RBBP8: variants seen among roughly 807,000 people sequenced by gnomAD.
The protein encoded by RBBP8 is DNA endonuclease RBBP8.
RBBP8 carries 88 observed loss-of-function variants against 108.3 expected under a neutral mutation model. That is an observed-to-expected ratio of 0.81 (90% confidence interval 0.68 to 0.97). The LOEUF (loss-of-function observed/expected upper bound fraction) is 0.97, where lower values mean the gene tolerates loss of function less well. RBBP8 is among the 50% of genes least tolerant of loss of function. RBBP8 has a pLI of 0.00. For missense variants in RBBP8, 1,023 were observed against 1,049.0 expected, an observed-to-expected ratio of 0.98 and a Z score of 0.34; for synonymous variants, 332 against 348.2, an observed-to-expected ratio of 0.95 and a Z score of 0.52.
At chr18:23,006,529 T>A in intron 16 of RBBP8, 97 bp downstream of exon 16, 1 of 1,033,814 alleles carries the variant, frequency 9.7e-7, no homozygotes, top group Non-Finnish European at 1.5e-6. Flanking sequence ...AAAGACAGAG[T>A]CTTGCTCTGT....
intron 2 of RBBP8, among the ~76,000 whole-genome samples, chr18:22,943,354 G>T (rs965924407): frequency 2.0e-5 from 3 of 151,946 alleles, no homozygotes; most frequent in Admixed American, 1.3e-4. Flanking sequence ...CAGGAGGATC[G>T]CTTGGGCCTG....
At chr18:22,976,824 TTAGA>T (rs904550880) in intron 6 of RBBP8, among the ~76,000 whole-genome samples, 47 of 152,206 alleles carry the variant, frequency 3.1e-4, no homozygotes, top group African/African-American at 1.1e-3. Flanking sequence ...TAACACAGAA[TTAGA>T]TAGACGATTG....
chr18:23,011,456 G>A (rs1420975889), intron 16 of RBBP8, among the ~76,000 whole-genome samples: 6 of 70,318 alleles, frequency 8.5e-5, no homozygotes, highest in South Asian at 8.0e-4. Context: ...TTTTTTTTTC[G>A]AGACAGAGTC....
At chr18:22,931,936 T>C (rs753915181), upstream of RBBP8, among the ~76,000 whole-genome samples, 4 of 152,138 alleles carry the variant, frequency 2.6e-5, no homozygotes, top group Non-Finnish European at 4.4e-5. Flanking sequence ...GGGTGGTTGG[T>C]AGCGTGGATG....
At chr18:22,964,045 T>C (rs929584531) in intron 4 of RBBP8, among the ~76,000 whole-genome samples, 1 of 152,210 alleles carries the variant, frequency 6.6e-6, no homozygotes, top group Admixed American at 6.5e-5. Flanking sequence ...GAATTCCAAG[T>C]CACTTCTTTT....
chr18:22,920,322 T>G (rs969359292), intron 3 of RBBP8, among the ~76,000 whole-genome samples: 1 of 152,152 alleles, frequency 6.6e-6, no homozygotes, highest in Non-Finnish European at 1.5e-5. Context: ...TTTATACAAA[T>G]AGCTAATTTG....
intron 12 of RBBP8, among the ~76,000 whole-genome samples, chr18:22,996,013 A>T (rs1054247736): frequency 6.6e-6 from 1 of 152,200 alleles, no homozygotes; most frequent in African/African-American, 2.4e-5. Flanking sequence ...GCAGTATGTG[A>T]GGGTCCCAGT....
chr18:22,989,359 T>C, intron 9 of RBBP8, 41 bp downstream of exon 9: 1 of 1,394,650 alleles, frequency 7.2e-7, no homozygotes, highest in Non-Finnish European at 1.0e-6. Context: ...GAATTAATTT[T>C]ATGTCTTTTT....
chr18:22,973,066 C>A (rs1016786037), intron 5 of RBBP8, among the ~76,000 whole-genome samples: 1 of 152,108 alleles, frequency 6.6e-6, no homozygotes, highest in Non-Finnish European at 1.5e-5. Context: ...ATTAATGACT[C>A]CTACGTCAAA....
chr18:22,945,521 T>G (rs546239603), intron 2 of RBBP8, among the ~76,000 whole-genome samples: 154 of 151,712 alleles, frequency 1.0e-3, no homozygotes, highest in Non-Finnish European at 1.8e-3. Flanking sequence ...GTAGCTAGGG[T>G]TACAAGCATG....
At chr18:22,931,690 C>T (rs901384139), upstream of RBBP8, among the ~76,000 whole-genome samples, 2 of 152,086 alleles carry the variant, frequency 1.3e-5, no homozygotes, top group African/African-American at 4.8e-5. Flanking sequence ...TTATTATCCT[C>T]AATTTACAGG....
rs2046186698 is a variant in RBBP8 at position 23,012,554 on chromosome 18, G to A, written c.2358-4274G>A. On this transcript the variant is annotated intron_variant, in intron 16 of 18. Coordinates refer to ENST00000327155, the MANE Select transcript of RBBP8 (RefSeq NM_002894.3). ...TTCCTTTAAGCCAGTGCCTAATCCA[G>A]AGCAAGCCTCTAACTCTATTTAGTT... 3.3e-5 allele frequency among the ~76,000 whole-genome samples: 4 copies of A among 119,970 alleles called. 1 individual carries two copies. In the South Asian group the frequency reaches 1.1e-3, roughly 34 times the overall value. The allele number at this position is 119,970 out of a possible 152,430, so 78.7% of individuals were successfully genotyped here.
At chr18:23,006,674 T>TG (rs2046055039) in intron 16 of RBBP8, among the ~76,000 whole-genome samples, 1 of 151,936 alleles carries the variant, frequency 6.6e-6, no homozygotes, top group African/African-American at 2.4e-5. Context: ...GCTAACTTTT[T>TG]TATTTTTTGT....
intron 4 of RBBP8, among the ~76,000 whole-genome samples, chr18:22,950,765 A>G (rs1268253540): frequency 6.6e-6 from 1 of 152,160 alleles, no homozygotes; most frequent in Non-Finnish European, 1.5e-5. Flanking sequence ...ACAAAAAATT[A>G]AAAATTAGCC....
chr18:22,951,580 A>G (rs1225183297), intron 4 of RBBP8, among the ~76,000 whole-genome samples: 2 of 152,204 alleles, frequency 1.3e-5, no homozygotes, highest in Non-Finnish European at 2.9e-5. Context: ...TACAGCAGAC[A>G]CTAGCTGGGT....
chr18:23,018,290 C>T (rs1195235408), intron 17 of RBBP8, among the ~76,000 whole-genome samples: 1 of 152,244 alleles, frequency 6.6e-6, no homozygotes, highest in East Asian at 1.9e-4. Flanking sequence ...CTCCCGACCT[C>T]AGGTGATCTG....
At chr18:22,999,877 A>C (rs6507426) in intron 14 of RBBP8, among the ~76,000 whole-genome samples, 1 of 152,116 alleles carries the variant, frequency 6.6e-6, no homozygotes, top group Non-Finnish European at 1.5e-5. Context: ...TAAATCATCA[A>C]TTTAACATTT....
intron 7 of RBBP8, among the ~76,000 whole-genome samples, chr18:22,984,370 T>A (rs910288921): frequency 6.6e-6 from 1 of 152,172 alleles, no homozygotes; most frequent in Non-Finnish European, 1.5e-5. Flanking sequence ...TACATTAGAT[T>A]GATTGATCAT....
intron 3 of RBBP8, among the ~76,000 whole-genome samples, chr18:22,917,587 C>A (rs1487207435): frequency 1.3e-5 from 2 of 152,080 alleles, no homozygotes; most frequent in African/African-American, 4.8e-5. Flanking sequence ...CAAATAGCTT[C>A]GGTATTTCCT....
Sources: gnomAD v4.1 joint callset for allele counts (sites outside exome capture counted in the v4.1 genomes callset) on GRCh38, gnomAD v4.1.1 for gene constraint, MANE v1.5 for transcripts, NCBI Gene and HGNC (gene_info 2026-07-23, HGNC 2026-07-21) for gene names.